ERC2: variants seen among roughly 807,000 people sequenced by gnomAD.
ERC2 encodes ELKS/RAB6-interacting/CAST family member 2.
A neutral mutation model predicts 114.8 loss-of-function variants in ERC2; 42 were observed. The ratio of observed to expected loss-of-function variants is 0.37; its 90% CI spans 0.29 to 0.47. ERC2 has a LOEUF of 0.47. ERC2 is among the 20% of genes least tolerant of loss of function. The pLI is 0.99. For missense variants in ERC2, 939 were observed against 1,150.7 expected, an observed-to-expected ratio of 0.82 and a Z score of 2.66; for synonymous variants, 454 against 425.5, an observed-to-expected ratio of 1.07 and a Z score of -0.82.
chr3:56,281,748 C>T (rs1400339566), intron 3 of ERC2, among the ~76,000 whole-genome samples: 4 of 152,136 alleles, frequency 2.6e-5, no homozygotes, highest in Non-Finnish European at 4.4e-5. Flanking sequence ...CTTATTGAAG[C>T]CCTGTGAATC....
intron 17 of ERC2, among the ~76,000 whole-genome samples, chr3:55,583,383 T>TTCCTTCCTGCC (rs758951465): frequency 5.5e-5 from 7 of 126,416 alleles, no homozygotes; most frequent in African/African-American, 2.3e-4. Flanking sequence ...TCTTTCCTTC[T>TTCCTTCCTGCC]TTCTTTCCTT....
chr3:55,669,152 C>T (rs1188878671), intron 17 of ERC2, among the ~76,000 whole-genome samples: 1 of 152,172 alleles, frequency 6.6e-6, no homozygotes. Flanking sequence ...ATATTTTTCA[C>T]CCTAAAATTT....
intron 16 of ERC2, among the ~76,000 whole-genome samples, chr3:55,691,946 CAT>C (rs2062692200): frequency 6.6e-6 from 1 of 152,100 alleles, no homozygotes. Flanking sequence ...GTTCATCTGA[CAT>C]AGAGCAATAC....
At chr3:55,809,258 C>T (rs13319660) in intron 14 of ERC2, among the ~76,000 whole-genome samples, 7,972 of 152,096 alleles carry the variant, frequency 0.052, 284 homozygotes, top group African/African-American at 0.095. Context: ...GAATGTGTAA[C>T]GATCCAGTCA....
chr3:55,756,142 G>GA (rs1463997273), intron 14 of ERC2, among the ~76,000 whole-genome samples: 2 of 151,060 alleles, frequency 1.3e-5, no homozygotes, highest in Non-Finnish European at 3.0e-5. Flanking sequence ...GCTTGCTAGA[G>GA]AAAAAAAAAT....
chr3:55,870,170 G>A (rs916369286), intron 14 of ERC2, among the ~76,000 whole-genome samples: 1 of 152,042 alleles, frequency 6.6e-6, no homozygotes, highest in African/African-American at 2.4e-5. Context: ...TGCCTCCTGG[G>A]TTCAAGCAAT....
intron 12 of ERC2, among the ~76,000 whole-genome samples, chr3:55,963,859 G>A (rs532810980): frequency 5.9e-5 from 9 of 152,278 alleles, no homozygotes; most frequent in African/African-American, 1.9e-4. Context: ...GGTTGAGGGC[G>A]ATTTGCCCAG....
At chr3:56,203,000 T>G (rs2048493864) in intron 3 of ERC2, among the ~76,000 whole-genome samples, 1 of 152,228 alleles carries the variant, frequency 6.6e-6, no homozygotes, top group Non-Finnish European at 1.5e-5. Context: ...CCACAACCAC[T>G]GACATTGAAA....
intron 14 of ERC2, among the ~76,000 whole-genome samples, chr3:55,825,140 A>G (rs1322622810): frequency 6.6e-6 from 1 of 152,202 alleles, no homozygotes; most frequent in Non-Finnish European, 1.5e-5. Flanking sequence ...AAGAACCTGG[A>G]ATTCTTCCTT....
chr3:55,637,015 T>G (rs9852175), intron 17 of ERC2, among the ~76,000 whole-genome samples: 35,879 of 152,042 alleles, frequency 0.24, 4,323 homozygotes, highest in East Asian at 0.44. Context: ...GGACCTGTTG[T>G]GGTCTCACAG....
intron 7 of ERC2, among the ~76,000 whole-genome samples, chr3:56,065,222 A>AT (rs112673871): frequency 5.3e-5 from 8 of 151,804 alleles, no homozygotes; most frequent in East Asian, 3.9e-4. Context: ...CCCATTATTT[A>AT]TTTTTTTTCT....
At chr3:55,726,603 CGACTAATCCTTGTA>C (rs1329611895) in intron 15 of ERC2, among the ~76,000 whole-genome samples, 4 of 152,312 alleles carry the variant, frequency 2.6e-5, no homozygotes, top group Non-Finnish European at 2.9e-5. Context: ...ACCACATCTG[CGACTAATCCTTGTA>C]GACTAATCCT....
intron 3 of ERC2, among the ~76,000 whole-genome samples, chr3:56,199,444 G>A (rs1475060923): frequency 6.6e-6 from 1 of 151,952 alleles, no homozygotes; most frequent in Non-Finnish European, 1.5e-5. Context: ...TCATGAGAAG[G>A]AGTTTGATTT....
chr3:55,827,430 G>C (rs934030513), intron 14 of ERC2, among the ~76,000 whole-genome samples: 2 of 151,726 alleles, frequency 1.3e-5, no homozygotes, highest in Non-Finnish European at 2.9e-5. Context: ...AGAAAAGAGA[G>C]GGAGGGAGGG....
At chr3:55,642,889 A>G (rs2060246347) in intron 17 of ERC2, among the ~76,000 whole-genome samples, 1 of 152,244 alleles carries the variant, frequency 6.6e-6, no homozygotes, top group African/African-American at 2.4e-5. Context: ...TTTTACACTG[A>G]AAGTCACATA....
intron 17 of ERC2, among the ~76,000 whole-genome samples, chr3:55,609,267 A>C (rs2058779008): frequency 2.0e-5 from 3 of 152,306 alleles, no homozygotes; most frequent in South Asian, 4.1e-4. Context: ...CCTGCACGGC[A>C]CAAGGTTCCA....
chr3:55,674,695 G>T (rs1237537535), intron 17 of ERC2, among the ~76,000 whole-genome samples: 1 of 152,166 alleles, frequency 6.6e-6, no homozygotes, highest in African/African-American at 2.4e-5. Context: ...AGGTTTAACT[G>T]AGAAATCTTC....
chr3:55,898,917 C>T (rs556493380), intron 13 of ERC2, among the ~76,000 whole-genome samples: 1 of 152,172 alleles, frequency 6.6e-6, no homozygotes, highest in Non-Finnish European at 1.5e-5. Flanking sequence ...AGAGAAGCAT[C>T]GCACAGTAGA....
At chr3:56,115,602 T>C (rs1331032002) in intron 6 of ERC2, among the ~76,000 whole-genome samples, 1 of 152,192 alleles carries the variant, frequency 6.6e-6, no homozygotes, top group Admixed American at 6.5e-5. Context: ...CACAAACATA[T>C]ATATCACAGG....
Sources: allele counts gnomAD v4.1 joint callset (sites outside exome capture counted in the v4.1 genomes callset), GRCh38; gene constraint gnomAD v4.1.1; transcripts MANE v1.5; gene names NCBI Gene and HGNC (gene_info 2026-07-23, HGNC 2026-07-21).